The following STX8 variants were observed in gnomAD, a reference collection of about 807,000 sequenced individuals.
The protein encoded by STX8 is syntaxin 8, also known as syntaxin-8.
STX8 carries 23 observed loss-of-function variants against 37.5 expected under a neutral mutation model. The ratio of observed to expected loss-of-function variants is 0.61; its 90% CI spans 0.44 to 0.87. The LOEUF (loss-of-function observed/expected upper bound fraction) is 0.87. STX8 is among the 40% of genes least tolerant of loss of function. The probability of loss-of-function intolerance (pLI) is 0.00; values close to 1 mark genes in which losing one functional copy is unlikely to be tolerated. For missense variants in STX8, 313 were observed against 284.7 expected, an observed-to-expected ratio of 1.10 and a Z score of -0.71; for synonymous variants, 115 against 99.1, an observed-to-expected ratio of 1.16 and a Z score of -0.95.
intron 6 of STX8, among the ~76,000 whole-genome samples, chr17:9,488,821 AGTGTGT>A (rs71135988): frequency 1.1e-3 from 153 of 144,014 alleles, no homozygotes; most frequent in South Asian, 8.4e-3. Flanking sequence ...AGAGAGAGAG[AGTGTGT>A]GTGTGTGTGT....
At chr17:9,379,753 G>A (rs538362595) in intron 6 of STX8, among the ~76,000 whole-genome samples, 1 of 152,238 alleles carries the variant, frequency 6.6e-6, no homozygotes, top group East Asian at 1.9e-4. Context: ...AGGATCACCT[G>A]AGGTTGGGAG....
At chr17:9,544,031 C>A (rs1281476160) in intron 4 of STX8, among the ~76,000 whole-genome samples, 1 of 152,124 alleles carries the variant, frequency 6.6e-6, no homozygotes, top group Non-Finnish European at 1.5e-5. Context: ...GCCCCTCTGC[C>A]CCTCCACCGC....
In STX8 at chr17:9,550,925, A is replaced by G. The variant is rs868176609; in HGVS notation, c.213-5643T>C. On this transcript the variant is annotated intron_variant, in intron 3 of 7. Transcript: ENST00000306357. Reference sequence around the variant, plus strand: ...CCCCATCTCTACCAAAAACACAAAAATTAGCCAGGTGTAGTGGTGCACACC... The same window carrying G: ...CCCCATCTCTACCAAAAACACAAAAGTTAGCCAGGTGTAGTGGTGCACACC... Among the ~76,000 whole-genome samples, 10 of 152,308 alleles carry G rather than the reference A, an allele frequency of 6.6e-5. No individual in the cohort carries two copies. The Middle Eastern group carries it at 0.01, about 155-fold the overall frequency.
chr17:9,342,551 G>A (rs73973677), intron 7 of STX8, among the ~76,000 whole-genome samples: 30 of 152,158 alleles, frequency 2.0e-4, no homozygotes, highest in Non-Finnish European at 4.0e-4. Flanking sequence ...CCAGAGCTAC[G>A]GGAAGAACAG....
At chr17:9,573,080 A>AACCC (rs1907746427) in intron 1 of STX8, among the ~76,000 whole-genome samples, 1 of 101,572 alleles carries the variant, frequency 9.8e-6, no homozygotes, top group Non-Finnish European at 2.0e-5. Flanking sequence ...CACCCCCAAC[A>AACCC]CCCCCCCCCA....
intron 6 of STX8, among the ~76,000 whole-genome samples, chr17:9,490,003 C>T (rs1208268481): frequency 1.3e-5 from 2 of 152,018 alleles, no homozygotes; most frequent in African/African-American, 4.8e-5. Flanking sequence ...AGCTTACTTT[C>T]TTATCAATAC....
At chr17:9,320,729 T>C (rs1038285300) in intron 7 of STX8, among the ~76,000 whole-genome samples, 50 of 145,818 alleles carry the variant, frequency 3.4e-4, no homozygotes, top group African/African-American at 1.3e-3. Context: ...CTCATCTCTA[T>C]TAAAAAAAAA....
chr17:9,545,641 C>T (rs57508123), intron 3 of STX8, among the ~76,000 whole-genome samples: 16 of 152,310 alleles, frequency 1.1e-4, no homozygotes, highest in Non-Finnish European at 1.6e-4. Context: ...AGTGCAATGG[C>T]GCGATCTCGG....
At chr17:9,568,717 G>T (rs1455738498) in intron 1 of STX8, among the ~76,000 whole-genome samples, 1 of 152,112 alleles carries the variant, frequency 6.6e-6, no homozygotes, top group Non-Finnish European at 1.5e-5. Context: ...AGCCAAGATG[G>T]TCTCGATCTC....
At chr17:9,353,104 C>CA (rs1384535666) in intron 7 of STX8, among the ~76,000 whole-genome samples, 1 of 162 alleles carries the variant, frequency 6.2e-3, no homozygotes, top group East Asian at 0.25. Flanking sequence ...CTATGTTGAC[C>CA]GTCAGACTGG....
At chr17:9,378,450 G>A (rs920856978) in intron 7 of STX8, 102 bp downstream of exon 7, 3 of 1,022,274 alleles carry the variant, frequency 2.9e-6, no homozygotes, top group Non-Finnish European at 4.5e-6. Flanking sequence ...TGTATCAGAA[G>A]AGCAACCAAA....
chr17:9,255,279 C>T (rs1411974575), intron 7 of STX8, among the ~76,000 whole-genome samples: 1 of 145,654 alleles, frequency 6.9e-6, no homozygotes, highest in Non-Finnish European at 1.5e-5. Flanking sequence ...GTAATCCCAG[C>T]ACTTTGGGAG....
intron 7 of STX8, among the ~76,000 whole-genome samples, chr17:9,369,518 A>G (rs1911335800): frequency 6.6e-6 from 1 of 152,202 alleles, no homozygotes; most frequent in South Asian, 2.1e-4. Flanking sequence ...AAGTAGCTCT[A>G]AAGTCTGTTA....
intron 7 of STX8, among the ~76,000 whole-genome samples, chr17:9,254,845 G>A (rs914330076): frequency 6.6e-5 from 10 of 152,042 alleles, no homozygotes; most frequent in Non-Finnish European, 1.0e-4. Flanking sequence ...ACACGCGCAC[G>A]TGTGTGCATG....
intron 7 of STX8, among the ~76,000 whole-genome samples, chr17:9,265,819 G>A (rs1030468278): frequency 6.6e-6 from 1 of 152,224 alleles, no homozygotes; most frequent in African/African-American, 2.4e-5. Context: ...TGGGGGCGCT[G>A]GAGGGGGGCT....
chr17:9,545,894 T>C (rs1047499969), intron 3 of STX8, among the ~76,000 whole-genome samples: 2 of 152,166 alleles, frequency 1.3e-5, no homozygotes, highest in Admixed American at 6.5e-5. Context: ...AGTGACCAAA[T>C]TTAAATGACT....
At chr17:9,302,069 T>C (rs575751234) in intron 7 of STX8, among the ~76,000 whole-genome samples, 35 of 152,322 alleles carry the variant, frequency 2.3e-4, no homozygotes, top group Non-Finnish European at 4.4e-4. Flanking sequence ...CAGAGTATTT[T>C]GGGGAGGATA....
At chr17:9,257,221 C>G (rs1597567883) in intron 7 of STX8, among the ~76,000 whole-genome samples, 1 of 152,190 alleles carries the variant, frequency 6.6e-6, no homozygotes, top group South Asian at 2.1e-4. Context: ...ACAATATTTA[C>G]AAGTCCAGCT....
At chr17:9,549,183 A>C (rs1906666082) in intron 3 of STX8, among the ~76,000 whole-genome samples, 1 of 152,248 alleles carries the variant, frequency 6.6e-6, no homozygotes, top group African/African-American at 2.4e-5. Context: ...GTAATAACTA[A>C]TGAGAAATGT....
Sources: gnomAD v4.1 joint callset for allele counts (sites outside exome capture counted in the v4.1 genomes callset) on GRCh38, gnomAD v4.1.1 for gene constraint, MANE v1.5 for transcripts, NCBI Gene and HGNC (gene_info 2026-07-23, HGNC 2026-07-21) for gene names.